Variants in KLHL29 observed in about 807,000 individuals in gnomAD.
KLHL29 encodes the protein kelch-like protein 29.
KLHL29 carries 21 observed loss-of-function variants against 80.4 expected under a neutral mutation model. The ratio of observed to expected loss-of-function variants is 0.26; its 90% CI spans 0.19 to 0.38. KLHL29 has a LOEUF of 0.38. Ranked by LOEUF, KLHL29 falls within the 10% of genes least tolerant of loss-of-function variation. The pLI is 1.00. For synonymous variants in KLHL29, 511 were observed against 526.8 expected (o/e 0.97, Z 0.41); for missense variants, 867 against 1,223.9 (o/e 0.71, Z 4.35).
At chr2:23,611,296 G>A (rs2103530079) in intron 3 of KLHL29, among the ~76,000 whole-genome samples, 1 of 152,278 alleles carries the variant, frequency 6.6e-6, no homozygotes, top group South Asian at 2.1e-4. Context: ...TGAGAGCTGA[G>A]CAGGGCGCTT....
chr2:23,597,295 T>TATA (rs36126326), intron 3 of KLHL29, among the ~76,000 whole-genome samples: 1 of 111,772 alleles, frequency 8.9e-6, no homozygotes, highest in Admixed American at 9.5e-5. Context: ...TCTCTCTCTC[T>TATA]CATATATATA....
intron 1 of KLHL29, among the ~76,000 whole-genome samples, chr2:23,474,115 A>G (rs1024841190): frequency 5.9e-5 from 9 of 152,084 alleles, no homozygotes; most frequent in African/African-American, 2.2e-4. Context: ...AATTTTCACT[A>G]CTTTTTAAGT....
At chr2:23,630,060 G>C (rs189750255) in intron 3 of KLHL29, among the ~76,000 whole-genome samples, 4 of 152,248 alleles carry the variant, frequency 2.6e-5, no homozygotes, top group Admixed American at 1.3e-4. Flanking sequence ...ATCAGAGAAA[G>C]AGGACGTGAA....
At chr2:23,411,512 TAACATC>T (rs1202072111) in intron 1 of KLHL29, among the ~76,000 whole-genome samples, 1 of 151,474 alleles carries the variant, frequency 6.6e-6, no homozygotes, top group Non-Finnish European at 1.5e-5. Context: ...CCAAGGTAGG[TAACATC>T]CAAATAAGGC....
In KLHL29 at chr2:23,596,399, G is replaced by A. The variant is rs1260980777; in HGVS notation, c.285+33918G>A. ...CTCCGAGCAGAGGTCTTGGTGTCCTGGTGGCTGCATCCCAGGGGAGAGGAA... is the reference window on the plus strand; with the variant it reads ...CTCCGAGCAGAGGTCTTGGTGTCCTAGTGGCTGCATCCCAGGGGAGAGGAA... On this transcript the variant is annotated intron_variant, in intron 3 of 13. Coordinates refer to ENST00000486442, the MANE Select transcript of KLHL29 (RefSeq NM_052920.2). This position sits in a 1 kb window ranked among gnomAD's most constrained non-coding sequence, Gnocchi z 4.4. 6.6e-6 allele frequency among the ~76,000 whole-genome samples: 1 copy of A among 152,170 alleles called. No homozygotes were observed. Among genetic ancestry groups the A allele is most frequent in the Non-Finnish European group, 1.5e-5 (1 of 68,042 alleles).
chr2:23,446,783 T>G (rs1470379610), intron 1 of KLHL29, among the ~76,000 whole-genome samples: 1 of 152,208 alleles, frequency 6.6e-6, no homozygotes, highest in Non-Finnish European at 1.5e-5. Flanking sequence ...TCTTTTTAAA[T>G]TATGTGCATC....
At chr2:23,464,653 C>T (rs1052190268) in intron 1 of KLHL29, among the ~76,000 whole-genome samples, 1 of 152,226 alleles carries the variant, frequency 6.6e-6, no homozygotes, top group Non-Finnish European at 1.5e-5. Flanking sequence ...TTCCCCTTCC[C>T]CTTTTTGAGG....
chr2:23,671,009 C>CA lies in KLHL29; in HGVS notation c.941-13389dup, dbSNP rs1491482323. The stretch of plus-strand genomic sequence containing the variant: ...CCCTCCCTCCCTCCCTCCCCCCCCC[C>CA]ACCTCCTCCCTTCCCTCCTAACCTC... On this transcript the variant is annotated intron_variant, in intron 5 of 13. Transcript: ENST00000486442. 2.8e-4 allele frequency among the ~76,000 whole-genome samples: 13 copies of CA among 46,730 alleles called. 2 individuals are homozygous for CA. The highest frequency in any genetic ancestry group is 1.2e-3 in the South Asian group (1 of 850). 30.7% of individuals were successfully genotyped at this position (46,730 alleles called of 152,430 possible). A position where few individuals can be genotyped will look rare whatever the true frequency, so the allele number is the denominator to read the frequency against.
At chr2:23,410,576 A>T (rs1423757684) in intron 1 of KLHL29, among the ~76,000 whole-genome samples, 1 of 152,122 alleles carries the variant, frequency 6.6e-6, no homozygotes, top group Non-Finnish European at 1.5e-5. Flanking sequence ...CCAGAGACAG[A>T]AATTTCGAGG....
At chr2:23,605,107 C>CTTTTTTTTT (rs386389703) in intron 3 of KLHL29, among the ~76,000 whole-genome samples, 9 of 92,470 alleles carry the variant, frequency 9.7e-5, no homozygotes, top group South Asian at 4.5e-4. Flanking sequence ...TCCTTTGTTG[C>CTTTTTTTTT]TTTTTTTTTT....
Position 23,586,362 on chromosome 2 carries a change from C to CTTTTTT in KLHL29, c.285+23899_285+23904dup, listed in dbSNP as rs778067234. On this transcript the variant is annotated intron_variant, in intron 3 of 13. Coordinates refer to ENST00000486442, the MANE Select transcript of KLHL29 (RefSeq NM_052920.2). ...CCATTCCTTCTACCTAAAAGCATTA[C>CTTTTTT]TTTTTTTTTTTTTTTTTTTTTTTGA... 2.6e-4 allele frequency among the ~76,000 whole-genome samples: 25 copies of CTTTTTT among 96,990 alleles called. 1 individual carries two copies. The highest frequency in any genetic ancestry group is 5.8e-4 in the African/African-American group (13 of 22,526). 63.6% of individuals were successfully genotyped at this position (96,990 alleles called of 152,430 possible). A position where few individuals can be genotyped will look rare whatever the true frequency, so the allele number is the denominator to read the frequency against.
At chr2:23,630,362 CG>C (rs1669438202) in intron 3 of KLHL29, among the ~76,000 whole-genome samples, 1 of 152,196 alleles carries the variant, frequency 6.6e-6, no homozygotes, top group Non-Finnish European at 1.5e-5. Context: ...TGGCCACAGC[CG>C]GGGAGGCTGG....
chr2:23,630,586 T>G (rs867997143), intron 3 of KLHL29, among the ~76,000 whole-genome samples: 170 of 152,218 alleles, frequency 1.1e-3, no homozygotes, highest in African/African-American at 3.9e-3. Flanking sequence ...CAGATTCAAG[T>G]GATTCTCCTG....
chr2:23,648,061 A>G (rs565123128), intron 5 of KLHL29, among the ~76,000 whole-genome samples: 8 of 152,180 alleles, frequency 5.3e-5, no homozygotes, highest in South Asian at 2.1e-4. Flanking sequence ...GGCCCCAGGC[A>G]TACGGGGATG....
intron 3 of KLHL29, among the ~76,000 whole-genome samples, chr2:23,608,852 TTAA>T (rs1228895347): frequency 4.6e-5 from 7 of 152,208 alleles, no homozygotes; most frequent in African/African-American, 1.4e-4. Flanking sequence ...TTTATCACCA[TTAA>T]TAATAACGAT....
At chr2:23,512,289 T>C (rs1665795698) in intron 2 of KLHL29, among the ~76,000 whole-genome samples, 1 of 152,004 alleles carries the variant, frequency 6.6e-6, no homozygotes, top group South Asian at 2.1e-4. Context: ...CTACTAAAAA[T>C]ACAAAATTAG....
chr2:23,687,170 G>C (rs1463886819), intron 6 of KLHL29, among the ~76,000 whole-genome samples: 1 of 152,202 alleles, frequency 6.6e-6, no homozygotes, highest in Non-Finnish European at 1.5e-5. Flanking sequence ...CTGCACTCTT[G>C]TAAGGGGAGG....
At chr2:23,477,863 G>A (rs947320723) in intron 2 of KLHL29, among the ~76,000 whole-genome samples, 5 of 152,230 alleles carry the variant, frequency 3.3e-5, no homozygotes, top group Non-Finnish European at 7.3e-5. Flanking sequence ...AGGGAACAGA[G>A]ACACCCCAGG....
chr2:23,415,642 G>A (rs1220000689), intron 1 of KLHL29, among the ~76,000 whole-genome samples: 4 of 152,074 alleles, frequency 2.6e-5, no homozygotes, highest in African/African-American at 9.6e-5. Context: ...CTGTTTTGTT[G>A]TTGTTGTTTT....
Sources: allele counts gnomAD v4.1 joint callset (sites outside exome capture counted in the v4.1 genomes callset), GRCh38; gene constraint gnomAD v4.1.1; non-coding constraint Gnocchi (gnomAD v3.1); transcripts MANE v1.5; gene names NCBI Gene and HGNC (gene_info 2026-07-23, HGNC 2026-07-21).